The following PCDH15 variants were observed in gnomAD, a reference collection of about 807,000 sequenced individuals.
PCDH15 encodes protocadherin-15.
Under a neutral mutation model 178.5 loss-of-function variants are expected in PCDH15, and 129 were observed. The observed-to-expected ratio is 0.72, with a 90% CI of 0.63 to 0.84. PCDH15 has a LOEUF of 0.84. Ranked by LOEUF, PCDH15 falls within the 40% of genes least tolerant of loss-of-function variation. The pLI is 0.00. For missense variants in PCDH15, 2,230 were observed against 2,099.9 expected (o/e 1.06, Z -1.21); for synonymous variants, 800 against 732.0 (o/e 1.09, Z -1.50).
At chr10:53,977,572 A>T (rs1235422104) in intron 21 of PCDH15, among the ~76,000 whole-genome samples, 1 of 152,208 alleles carries the variant, frequency 6.6e-6, no homozygotes, top group Non-Finnish European at 1.5e-5. Flanking sequence ...GACACAGCCA[A>T]ACCACATCAT....
chr10:55,519,052 C>T (rs1209241448), intron 2 of PCDH15, among the ~76,000 whole-genome samples: 2 of 146,752 alleles, frequency 1.4e-5, no homozygotes, highest in Non-Finnish European at 3.0e-5. Flanking sequence ...GGAGATTGCA[C>T]CACTGCACTC....
intron 2 of PCDH15, among the ~76,000 whole-genome samples, chr10:54,901,157 A>G (rs187129341): frequency 4.5e-4 from 68 of 152,202 alleles, no homozygotes; most frequent in African/African-American, 1.5e-3. Context: ...CATCTCTACA[A>G]AAAATTAGCC....
At chr10:53,973,835 G>A (rs2089964383) in intron 21 of PCDH15, among the ~76,000 whole-genome samples, 1 of 152,134 alleles carries the variant, frequency 6.6e-6, no homozygotes, top group African/African-American at 2.4e-5. Context: ...ATGAGGAAGA[G>A]CCTTTCTAAT....
At chr10:54,591,645 C>T (rs1472976854) in intron 2 of PCDH15, among the ~76,000 whole-genome samples, 2 of 151,988 alleles carry the variant, frequency 1.3e-5, no homozygotes, top group Non-Finnish European at 2.9e-5. Flanking sequence ...AGCTAGAAAA[C>T]AATTTTAAAA....
At chr10:55,044,493 C>T (rs147569106) in intron 2 of PCDH15, among the ~76,000 whole-genome samples, 104 of 152,130 alleles carry the variant, frequency 6.8e-4, no homozygotes, top group African/African-American at 2.3e-3. Context: ...CCCTAAAAAA[C>T]CTACTACCTC....
At position 53,944,756 on chromosome 10, in the gene PCDH15, T is replaced by C. The variant is rs1334493804; in HGVS notation, c.3123-3781A>G. ...CAACTAGATGGCCATTTTCCAAAGATGGCTAAGAGGATGCTAAAGGAAATG... is the reference window on the plus strand; with the variant it reads ...CAACTAGATGGCCATTTTCCAAAGACGGCTAAGAGGATGCTAAAGGAAATG... On this transcript the variant is annotated intron_variant, in intron 23 of 37. Coordinates refer to ENST00000644397, the MANE Select transcript of PCDH15 (RefSeq NM_001384140.1). Among the ~76,000 whole-genome samples the C allele has an allele frequency of 2.6e-5, 4 of 152,152 alleles. No individual in the cohort carries two copies. In the East Asian group the frequency reaches 7.7e-4, roughly 29 times the overall value.
At chr10:54,817,328 T>C (rs142119121) in intron 3 of PCDH15, among the ~76,000 whole-genome samples, 12 of 152,078 alleles carry the variant, frequency 7.9e-5, no homozygotes, top group African/African-American at 1.7e-4. Context: ...ATATATGTTA[T>C]TTTAGAAATG....
intron 2 of PCDH15, among the ~76,000 whole-genome samples, chr10:55,436,438 A>G (rs1839042244): frequency 6.6e-6 from 1 of 152,148 alleles, no homozygotes; most frequent in South Asian, 2.1e-4. Context: ...TATGACATAT[A>G]AGTTATTTAT....
intron 2 of PCDH15, among the ~76,000 whole-genome samples, chr10:55,411,369 AC>A (rs991541488): frequency 6.6e-6 from 1 of 152,110 alleles, no homozygotes; most frequent in Non-Finnish European, 1.5e-5. Context: ...ACTAAAATTA[AC>A]AAATATTATT....
At chr10:55,410,913 A>C (rs1489303892) in intron 2 of PCDH15, among the ~76,000 whole-genome samples, 1 of 152,046 alleles carries the variant, frequency 6.6e-6, no homozygotes, top group African/African-American at 2.4e-5. Flanking sequence ...CAGGCCCTTC[A>C]AGTAGGCACC....
chr10:55,582,628 A>ATATATATATATATATTTTTTTTTTTTTT (rs780312007), intron 2 of PCDH15, among the ~76,000 whole-genome samples: 1 of 69,032 alleles, frequency 1.4e-5, no homozygotes, highest in African/African-American at 6.6e-5. Context: ...ATATATATAT[A>ATATATATATATATATTTTTTTTTTTTTT]TTTTTTTTTT....
chr10:55,003,713 T>C (rs913556965), intron 2 of PCDH15, among the ~76,000 whole-genome samples: 3 of 152,220 alleles, frequency 2.0e-5, no homozygotes, highest in African/African-American at 7.2e-5. Flanking sequence ...TGTCGTGTTT[T>C]CAGATATGAG....
chr10:55,003,158 T>C (rs1839833826), intron 2 of PCDH15, among the ~76,000 whole-genome samples: 1 of 152,210 alleles, frequency 6.6e-6, no homozygotes, highest in Admixed American at 6.5e-5. Context: ...AATGTGTCTG[T>C]CCTAAGACTT....
intron 8 of PCDH15, among the ~76,000 whole-genome samples, chr10:54,280,054 A>G (rs1284418618): frequency 6.6e-6 from 1 of 151,646 alleles, no homozygotes; most frequent in Non-Finnish European, 1.5e-5. Context: ...TTATGCTGAA[A>G]ATGGGTTCAA....
intron 1 of PCDH15, among the ~76,000 whole-genome samples, chr10:55,253,119 T>C (rs1402540197): frequency 6.6e-6 from 1 of 152,034 alleles, no homozygotes; most frequent in African/African-American, 2.4e-5. Context: ...TGTAGAGTCA[T>C]GGTCTCCATC....
chr10:54,911,553 A>T (rs1042292237), intron 2 of PCDH15, among the ~76,000 whole-genome samples: 11 of 152,330 alleles, frequency 7.2e-5, no homozygotes, highest in African/African-American at 1.9e-4. Context: ...ACTCTTTTTA[A>T]CTTTTTGCCA....
At chr10:54,345,931 T>C (rs1262204645) in intron 6 of PCDH15, among the ~76,000 whole-genome samples, 1 of 151,936 alleles carries the variant, frequency 6.6e-6, no homozygotes, top group Non-Finnish European at 1.5e-5. Flanking sequence ...CTATCTTTGG[T>C]TTAACTGGTG....
At chr10:54,075,774 T>C (rs183796126) in intron 17 of PCDH15, among the ~76,000 whole-genome samples, 9 of 152,282 alleles carry the variant, frequency 5.9e-5, no homozygotes, top group Admixed American at 5.9e-4. Context: ...TGAAAGTTTA[T>C]TTTTGGATTT....
At chr10:54,179,103 A>G (rs2047724592) in intron 13 of PCDH15, among the ~76,000 whole-genome samples, 1 of 152,160 alleles carries the variant, frequency 6.6e-6, no homozygotes, top group African/African-American at 2.4e-5. Context: ...AGGCTGCTAT[A>G]AAGACACATA....
Sources: gnomAD v4.1 joint callset for allele counts (sites outside exome capture counted in the v4.1 genomes callset) on GRCh38, gnomAD v4.1.1 for gene constraint, MANE v1.5 for transcripts, NCBI Gene and HGNC (gene_info 2026-07-23, HGNC 2026-07-21) for gene names.